Variants in CCDC88C observed in about 807,000 individuals in gnomAD.
CCDC88C encodes protein Daple.
In CCDC88C, 131 loss-of-function variants were observed where a neutral mutation model predicts 198.8. That is an observed-to-expected ratio of 0.66 (90% CI 0.57 to 0.76). The LOEUF is 0.76. Among genes scored for constraint, CCDC88C ranks in the 30% least tolerant of loss-of-function variants. The pLI, the probability that CCDC88C is intolerant of heterozygous loss-of-function variation, is 0.00. For missense variants in CCDC88C, 2,553 were observed against 2,631.6 expected (o/e 0.97, Z 0.65); for synonymous variants, 1,166 against 1,114.7 (o/e 1.05, Z -0.92).
In CCDC88C at chr14:91,416,755, G is replaced by C. The variant is rs755632875; in HGVS notation, c.144C>G (p.Asn48Lys). 2 of 1,611,752 alleles carry C rather than the reference G, an allele frequency of 1.2e-6. No individual in the cohort carries two copies. The highest frequency in any genetic ancestry group is 1.7e-5 in the Admixed American group (1 of 59,960). ...TAACTTACATTTGCAGCATAATTTG[G>C]TTCAAAAAGATGCCGTCCACTAAAT... is the stretch of plus-strand genomic sequence containing the variant. ...YMDLVDGIFL[N>K]QIMLQIDPRP... The change falls in exon 2 of 30, where the codon AAC becomes AAG. Residue 48 changes from asparagine to lysine, a missense_variant. By Grantham distance (94) the Asn-to-Lys change is moderately conservative. Transcript: ENST00000389857.
At chr14:91,302,033 CT>C (rs1427374287) in intron 20 of CCDC88C, among the ~76,000 whole-genome samples, 1 of 152,194 alleles carries the variant, frequency 6.6e-6, no homozygotes, top group African/African-American at 2.4e-5. Context: ...TCAACAGCCC[CT>C]GAAGGATGGA....
chr14:91,304,985 G>A (rs1375697922), intron 19 of CCDC88C, among the ~76,000 whole-genome samples: 1 of 152,218 alleles, frequency 6.6e-6, no homozygotes, highest in East Asian at 1.9e-4. Flanking sequence ...GCTCACGCCT[G>A]TAATCCCAGC....
At chr14:91,388,841 T>TC (rs1885308794) in intron 3 of CCDC88C, among the ~76,000 whole-genome samples, 1 of 152,040 alleles carries the variant, frequency 6.6e-6, no homozygotes, top group Non-Finnish European at 1.5e-5. Context: ...CCCTCAGCTG[T>TC]CCCCACGAAA....
rs1209624071 is a variant in CCDC88C at position 91,278,001 on chromosome 14, G to A, written c.4979C>T (p.Pro1660Leu). 2 of 1,580,766 alleles carry A rather than the reference G, an allele frequency of 1.3e-6. No individual in the cohort carries two copies. The highest frequency in any genetic ancestry group is 2.3e-5 in the East Asian group (1 of 42,934). The change falls in exon 29 of 30, where the codon CCC (proline) becomes CTC (leucine). Residue 1660 changes from proline (P) to leucine (L), a missense_variant. By Grantham distance (98) the Pro-to-Leu change is moderately conservative. This residue lies in a region of CCDC88C where 1,293 missense variants were observed against 1,219.6 expected (regional missense o/e 1.06). Coordinates refer to ENST00000389857, the MANE Select transcript of CCDC88C (RefSeq NM_001080414.4). ...CTCACTGCTGGGGGAGGCCGAGCAG[G>A]GCCGCACTCCGACGTAGGGAGGGGC... The part of the protein sequence containing the change: ...GTAPPYVGVR[P>L]CSASPSSEMV...
At chr14:91,331,124 C>A (rs967067740) in intron 10 of CCDC88C, among the ~76,000 whole-genome samples, 1 of 125,934 alleles carries the variant, frequency 7.9e-6, no homozygotes, top group East Asian at 2.2e-4. Context: ...GTGGGGGGAG[C>A]GGTGCAGGCA....
At chr14:91,336,389 G>T (rs970493542) in intron 10 of CCDC88C, among the ~76,000 whole-genome samples, 4 of 152,220 alleles carry the variant, frequency 2.6e-5, no homozygotes, top group African/African-American at 4.8e-5. Context: ...AAATCAGGGT[G>T]CAGGGTGAGA....
rs141294034 is a variant in CCDC88C at position 91,312,704 on chromosome 14, TAAAC to T, written c.2736+372_2736+375del. On this transcript the variant is annotated intron_variant, in intron 15 of 29. Coordinates refer to ENST00000389857, the MANE Select transcript of CCDC88C (RefSeq NM_001080414.4). ...TCTCAAAAATAAATAAATAAATACATAAACAAACAAACAAATATCTTACGGCCAT... is the reference window on the plus strand; with the variant it reads ...TCTCAAAAATAAATAAATAAATACATAAACAAACAAATATCTTACGGCCAT... Among the ~76,000 whole-genome samples the T allele has an allele frequency of 3.3e-4, 50 of 152,168 alleles. No individual in the cohort carries two copies. In the East Asian group the frequency reaches 6.0e-3, roughly 18 times the overall value.
chr14:91,387,819 C>T (rs1885234919), intron 3 of CCDC88C, among the ~76,000 whole-genome samples: 1 of 152,190 alleles, frequency 6.6e-6, no homozygotes, highest in South Asian at 2.1e-4. Context: ...CTTAATGGCC[C>T]ATGTTTCAGT....
At position 91,297,387 on chromosome 14, in the gene CCDC88C, C is replaced by G. The variant is rs1208542571; in HGVS notation, c.3884G>C (p.Arg1295Pro). ...SLNNAQLELN[R>P]WQARFDELKE... The stretch of plus-strand genomic sequence containing the variant: ...CAGCTCGTCGAAGCGGGCCTGCCAG[C>G]GGTTGAGCTCCAGCTGCGCGTTGTT... The change falls in exon 22 of 30, where the codon CGC (arginine) becomes CCC (proline). Residue 1295 changes from arginine (R) to proline (P), a missense_variant. Physicochemically the swap from Arg to Pro is moderately radical, Grantham distance 103. This residue lies in a region of CCDC88C where 1,293 missense variants were observed against 1,219.6 expected (regional missense o/e 1.06). Coordinates refer to ENST00000389857, the MANE Select transcript of CCDC88C (RefSeq NM_001080414.4). 2 of 1,613,236 alleles carry G rather than the reference C, an allele frequency of 1.2e-6. No homozygotes were observed. The highest frequency in any genetic ancestry group is 3.3e-5 in the Admixed American group (2 of 59,886).
intron 3 of CCDC88C, among the ~76,000 whole-genome samples, chr14:91,370,667 C>T (rs2139926682): frequency 6.6e-6 from 1 of 152,126 alleles, no homozygotes; most frequent in Admixed American, 6.5e-5. Context: ...GTCTCTGCAT[C>T]GGGCTTTAGG....
chr14:91,310,100 G>A (rs746038801), intron 15 of CCDC88C, 114 bp from the exon 16 acceptor site: 14 of 1,093,904 alleles, frequency 1.3e-5, no homozygotes, highest in East Asian at 2.8e-5. Flanking sequence ...GGCTGCCTCC[G>A]TGTGGAGCGA....
At chr14:91,316,836 C>T (rs780560715) in intron 13 of CCDC88C, among the ~76,000 whole-genome samples, 14 of 152,194 alleles carry the variant, frequency 9.2e-5, no homozygotes, top group Admixed American at 5.2e-4. Flanking sequence ...TCCGGTCCAT[C>T]CCCGAAGAAG....
At chr14:91,287,436 G>A (rs544025479) in intron 25 of CCDC88C, among the ~76,000 whole-genome samples, 4 of 152,144 alleles carry the variant, frequency 2.6e-5, no homozygotes, top group Admixed American at 6.5e-5. Flanking sequence ...CTGCAGCCAC[G>A]ACCTCCTGGG....
Position 91,309,835 on chromosome 14 carries a change from G to C in CCDC88C, c.2864+24C>G, listed in dbSNP as rs775413190. ...CAGTGGAGGAAGTGCTCCCACGATG[G>C]GGAGAGGGAGAAGAGGCCCTCACGT... is the stretch of plus-strand genomic sequence containing the variant. On this transcript the variant is annotated intron_variant, in intron 16 of 29. Transcript: ENST00000389857. The C allele has an allele frequency of 1.9e-6, 3 of 1,596,578 alleles. No individual in the cohort carries two copies. In the African/African-American group the frequency reaches 4.0e-5, roughly 21 times the overall value.
chr14:91,278,604 G>GA (rs1890066737), intron 28 of CCDC88C, among the ~76,000 whole-genome samples: 1 of 152,138 alleles, frequency 6.6e-6, no homozygotes, highest in Admixed American at 6.5e-5. Context: ...CATGTTCCGA[G>GA]AATCAAAATC....
At chr14:91,328,653 G>A (rs762629157) in intron 10 of CCDC88C, among the ~76,000 whole-genome samples, 2 of 152,170 alleles carry the variant, frequency 1.3e-5, no homozygotes, top group African/African-American at 2.4e-5. Context: ...AACGGGCCCC[G>A]ATTCCCAGGG....
chr14:91,315,944 C>T, intron 13 of CCDC88C, 157 bp from the exon 14 acceptor site: 2 of 687,066 alleles, frequency 2.9e-6, no homozygotes, highest in Non-Finnish European at 2.4e-6. Flanking sequence ...CCCCACACCA[C>T]AGCTGTCACT....
chr14:91,272,444 C>T lies in CCDC88C; in HGVS notation c.*181G>A, dbSNP rs573166187. The T allele has an allele frequency of 4.8e-5, 30 of 625,090 alleles. No homozygotes were observed. The highest frequency in any genetic ancestry group is 4.4e-4 in the Middle Eastern group (1 of 2,296). 38.7% of individuals were successfully genotyped at this position (625,090 alleles called of 1,614,324 possible). Reference sequence around the variant, plus strand: ...AGAAAACACGTTACACACCTGGAAGCGTAATCCTCTTGGGGCTTGGCACAG... The same window carrying T: ...AGAAAACACGTTACACACCTGGAAGTGTAATCCTCTTGGGGCTTGGCACAG... On this transcript the variant is annotated 3_prime_UTR_variant, in exon 30 of 30. Transcript: ENST00000389857.
intron 20 of CCDC88C, among the ~76,000 whole-genome samples, chr14:91,300,368 T>C (rs8012328): frequency 0.82 from 124,976 of 152,284 alleles, 51,763 homozygotes; most frequent in African/African-American, 0.94. Flanking sequence ...CCTGACAATG[T>C]GATGACTACA....
Sources: allele counts gnomAD v4.1 joint callset (sites outside exome capture counted in the v4.1 genomes callset), GRCh38; gene constraint gnomAD v4.1.1; regional missense constraint gnomAD v4.1.1; transcripts MANE v1.5; gene names NCBI Gene and HGNC (gene_info 2026-07-23, HGNC 2026-07-21).